Variants in ANKRD44 observed in about 807,000 individuals in gnomAD.
ANKRD44 encodes serine/threonine-protein phosphatase 6 regulatory ankyrin repeat subunit B.
Under a neutral mutation model 116.0 loss-of-function variants are expected in ANKRD44, and 35 were observed. That is an observed-to-expected ratio of 0.30 (90% confidence interval 0.23 to 0.40). ANKRD44 has a LOEUF of 0.40. ANKRD44 is among the 10% of genes least tolerant of loss of function. The probability of loss-of-function intolerance (pLI) is 1.00; values close to 1 mark genes in which losing one functional copy is unlikely to be tolerated. For missense variants in ANKRD44, 1,014 were observed against 1,242.6 expected, an observed-to-expected ratio of 0.82 and a Z score of 2.77; for synonymous variants, 435 against 461.8, an observed-to-expected ratio of 0.94 and a Z score of 0.74.
rs774744535 is a variant in ANKRD44 at position 196,998,340 on chromosome 2, A to G, written c.2745T>C (p.Ser915=). Residue 915 remains serine (S), a synonymous_variant, in exon 25 of 28, where the codon AGT becomes AGC. Transcript: ENST00000282272. ...DLNTPLHLAC[S]KGHEKCALLI... ...TATTTTAAATTCATTTACATACTTT[A>G]CTACAAGCCAAATGTAAGGGTGTAT... is the stretch of plus-strand genomic sequence containing the variant. The G allele has an allele frequency of 3.1e-6, 5 of 1,608,950 alleles. No individual in the cohort carries two copies. Among genetic ancestry groups the G allele is most frequent in the South Asian group, 2.2e-5 (2 of 90,840 alleles).
Position 197,037,407 on chromosome 2 carries a change from G to C in ANKRD44, c.1651-12140C>G, listed in dbSNP as rs184426653. ...TCTGGCCAGTATTACTGTTGGTTGA[G>C]TATATTACTTCATGGCCATTAAACT... On this transcript the variant is annotated intron_variant, in intron 16 of 27. Coordinates refer to ENST00000282272, the MANE Select transcript of ANKRD44 (RefSeq NM_001195144.2). 4.8e-4 allele frequency among the ~76,000 whole-genome samples: 73 copies of C among 152,266 alleles called. 1 individual carries two copies. The highest frequency in any genetic ancestry group is 1.8e-4 in the Non-Finnish European group (12 of 68,016).
At chr2:197,038,996 C>A (rs1361982540) in intron 16 of ANKRD44, among the ~76,000 whole-genome samples, 3 of 152,166 alleles carry the variant, frequency 2.0e-5, no homozygotes, top group Admixed American at 6.5e-5. Context: ...GGTCCCACAG[C>A]AGCTTTGGGT....
intron 17 of ANKRD44, among the ~76,000 whole-genome samples, chr2:197,018,820 G>A (rs770504655): frequency 1.3e-5 from 2 of 152,054 alleles, no homozygotes; most frequent in African/African-American, 2.4e-5. Context: ...ATTATTTTTT[G>A]AGGGTTTTTT....
intron 1 of ANKRD44, among the ~76,000 whole-genome samples, chr2:197,251,342 CT>C (rs902317942): frequency 2.3e-4 from 35 of 151,982 alleles, no homozygotes; most frequent in Non-Finnish European, 4.6e-4. Context: ...GTTCTTACAG[CT>C]TTTTTTTCCT....
chr2:197,203,256 A>G lies in ANKRD44; in HGVS notation c.28-16150T>C. On this transcript the variant is annotated intron_variant, in intron 1 of 27. Coordinates refer to ENST00000282272, the MANE Select transcript of ANKRD44 (RefSeq NM_001195144.2). The surrounding 1 kb of genome is among the most constrained non-coding windows in gnomAD (Gnocchi z 4.1). ...GGGAACCAATGTCAAAGCTAGGGAAATTATTGAGCAAGTTATAATATATAA... is the reference window on the plus strand; with the variant it reads ...GGGAACCAATGTCAAAGCTAGGGAAGTTATTGAGCAAGTTATAATATATAA... Among the ~76,000 whole-genome samples, 1 of 152,250 alleles carries G rather than the reference A, an allele frequency of 6.6e-6. No individual in the cohort carries two copies. Among genetic ancestry groups the G allele is most frequent in the Non-Finnish European group, 1.5e-5 (1 of 68,044 alleles).
intron 1 of ANKRD44, among the ~76,000 whole-genome samples, chr2:197,273,979 AAATATATATAT>A (rs1181594972): frequency 1.2e-4 from 6 of 50,010 alleles, no homozygotes; most frequent in Admixed American, 2.9e-4. Context: ...AAAAAAAAAA[AAATATATATAT>A]ATATATATAT....
At chr2:197,013,872 G>A (rs991706173) in intron 17 of ANKRD44, among the ~76,000 whole-genome samples, 160 bp from the exon 18 acceptor site, 2 of 152,202 alleles carry the variant, frequency 1.3e-5, no homozygotes, top group Non-Finnish European at 2.9e-5. Flanking sequence ...AGGCAAGCTG[G>A]AGAGTTAGAC....
chr2:197,166,940 G>A (rs906160267), intron 2 of ANKRD44, among the ~76,000 whole-genome samples: 2 of 152,204 alleles, frequency 1.3e-5, no homozygotes, highest in Admixed American at 6.5e-5. Context: ...ATAGTGTCCT[G>A]AGAGAAATTA....
At chr2:197,034,183 T>C (rs79898341) in intron 16 of ANKRD44, among the ~76,000 whole-genome samples, 2,299 of 152,148 alleles carry the variant, frequency 0.015, 25 homozygotes, top group Non-Finnish European at 0.025. Flanking sequence ...TCAACCTATC[T>C]TGTCAAAATC....
intron 2 of ANKRD44, among the ~76,000 whole-genome samples, chr2:197,153,239 A>AG (rs200049757): frequency 0.042 from 5,268 of 125,928 alleles, 152 homozygotes; most frequent in Middle Eastern, 0.073. Flanking sequence ...AAAAAAAAAA[A>AG]AAAAAAAAGA....
chr2:197,017,626 T>C (rs2076417254), intron 17 of ANKRD44, among the ~76,000 whole-genome samples: 1 of 152,256 alleles, frequency 6.6e-6, no homozygotes, highest in African/African-American at 2.4e-5. Context: ...CACTTCTCCC[T>C]TGACTTCTCA....
At chr2:197,000,360 A>G in intron 23 of ANKRD44, 59 bp downstream of exon 23, 4 of 1,355,014 alleles carry the variant, frequency 3.0e-6, no homozygotes, top group Non-Finnish European at 4.2e-6. Flanking sequence ...CTACTCTGCA[A>G]CTGCAAAGCA....
intron 13 of ANKRD44, among the ~76,000 whole-genome samples, chr2:197,085,969 G>A (rs147654434): frequency 1.3e-5 from 2 of 152,158 alleles, no homozygotes; most frequent in East Asian, 1.9e-4. Flanking sequence ...AGTCATGAAG[G>A]ATTAGGGTGC....
Position 196,987,953 on chromosome 2 carries a change from G to A in ANKRD44, c.*1638C>T. On this transcript the variant is annotated 3_prime_UTR_variant, in exon 28 of 28. Coordinates refer to ENST00000282272, the MANE Select transcript of ANKRD44 (RefSeq NM_001195144.2). Reference sequence around the variant, plus strand: ...ATTTCTTTAAAAAAATTTTGCCTTGGGGTATGGGAGAAAGAGAAAGAGAGG... The same window carrying A: ...ATTTCTTTAAAAAAATTTTGCCTTGAGGTATGGGAGAAAGAGAAAGAGAGG... 2 of 985,176 alleles carry A rather than the reference G, an allele frequency of 2.0e-6. No homozygotes were observed. The highest frequency in any genetic ancestry group is 2.4e-6 in the Non-Finnish European group (2 of 829,840). The allele number at this position is 985,176 out of a possible 1,614,324, so 61.0% of individuals were successfully genotyped here.
At chr2:197,126,848 G>T (rs1485999691) in intron 4 of ANKRD44, among the ~76,000 whole-genome samples, 1 of 34,732 alleles carries the variant, frequency 2.9e-5, no homozygotes, top group Non-Finnish European at 1.2e-4. Flanking sequence ...CGGGAGTGGT[G>T]TTGTGGACCT....
intron 10 of ANKRD44, among the ~76,000 whole-genome samples, chr2:197,097,941 A>G (rs962516234): frequency 3.3e-5 from 5 of 152,080 alleles, no homozygotes; most frequent in African/African-American, 7.2e-5. Flanking sequence ...CAAACATCCA[A>G]TGACCCAGCT....
At chr2:197,173,607 A>G (rs1412783108) in intron 2 of ANKRD44, among the ~76,000 whole-genome samples, 1 of 152,210 alleles carries the variant, frequency 6.6e-6, no homozygotes, top group African/African-American at 2.4e-5. Flanking sequence ...TGGGAGACCT[A>G]TATATTGAAA....
downstream of ANKRD44, among the ~76,000 whole-genome samples, chr2:196,982,752 CTT>C (rs1446438263): frequency 1.3e-5 from 2 of 152,226 alleles, no homozygotes; most frequent in African/African-American, 4.8e-5. Context: ...GTTTCTCTCT[CTT>C]GTCTCTCAAC....
At chr2:197,177,694 G>T (rs957742839) in intron 2 of ANKRD44, among the ~76,000 whole-genome samples, 11 of 151,572 alleles carry the variant, frequency 7.3e-5, no homozygotes, top group Admixed American at 2.0e-4. Flanking sequence ...AAGAAATAAA[G>T]AAAAAGGCAA....
Sources: allele counts gnomAD v4.1 joint callset (sites outside exome capture counted in the v4.1 genomes callset), GRCh38; gene constraint gnomAD v4.1.1; non-coding constraint Gnocchi (gnomAD v3.1); transcripts MANE v1.5; gene names NCBI Gene and HGNC (gene_info 2026-07-23, HGNC 2026-07-21).